SCUBE2: variants seen among roughly 807,000 people sequenced by gnomAD.
SCUBE2 encodes the protein signal peptide, CUB domain and EGF like domain containing 2.
A neutral mutation model predicts 125.9 loss-of-function variants in SCUBE2; 114 were observed. That is an observed-to-expected ratio of 0.91 (90% CI 0.78 to 1.06). The LOEUF (loss-of-function observed/expected upper bound fraction) is 1.06. Ranked by LOEUF, SCUBE2 falls within the 50% of genes least tolerant of loss-of-function variation. The pLI is 0.00. For missense variants in SCUBE2, 1,255 were observed against 1,301.8 expected (o/e 0.96, Z 0.55); for synonymous variants, 459 against 492.9 (o/e 0.93, Z 0.91).
chr11:9,091,458 G>GGCGGCAGCA lies in SCUBE2; in HGVS notation c.62_70dup (p.Leu21_Pro23dup), dbSNP rs758107958. ...GACGGCCCCCGCCAGCAGCAGCAGT[G>GGCGGCAGCA]GCGGCAGCAGCAGCAGCAGCAGCAG... On this transcript the variant is annotated inframe_insertion, in exon 1 of 23. Transcript: ENST00000649792. The surrounding 1 kb of genome is among the most constrained non-coding windows in gnomAD (Gnocchi z 8.5). The GGCGGCAGCA allele has an allele frequency of 3.3e-4, 418 of 1,284,378 alleles. 1 individual carries two copies. Among genetic ancestry groups the GGCGGCAGCA allele is most frequent in the Non-Finnish European group, 3.6e-4 (370 of 1,023,018 alleles). The allele number at this position is 1,284,378 out of a possible 1,614,324, so 79.6% of individuals were successfully genotyped here. A position where few individuals can be genotyped will look rare whatever the true frequency, so the allele number is the denominator to read the frequency against.
chr11:9,052,947 A>C lies in SCUBE2; in HGVS notation c.1448-115T>G, dbSNP rs962067703. On this transcript the variant is annotated intron_variant, in intron 12 of 22. Coordinates refer to ENST00000649792, the MANE Select transcript of SCUBE2 (RefSeq NM_001367977.2). ...ATGGGCCACTAGAAAAATGCCCAGC[A>C]TATGGGGTCTCGAAGCATGGACCTC... is the stretch of plus-strand genomic sequence containing the variant. 8 of 1,029,286 alleles carry C rather than the reference A, an allele frequency of 7.8e-6. No individual in the cohort carries two copies. In the Admixed American group the frequency reaches 1.7e-4, roughly 22 times the overall value. 63.8% of individuals were successfully genotyped at this position (1,029,286 alleles called of 1,614,324 possible). A position where few individuals can be genotyped will look rare whatever the true frequency, so the allele number is the denominator to read the frequency against.
At chr11:9,072,271 C>T (rs1372478130) in intron 4 of SCUBE2, among the ~76,000 whole-genome samples, 4 of 152,214 alleles carry the variant, frequency 2.6e-5, no homozygotes, top group East Asian at 1.9e-4. Context: ...TGCAGTGGCA[C>T]GATGTCAGCT....
chr11:9,045,635 A>T (rs1857649410), intron 16 of SCUBE2, among the ~76,000 whole-genome samples: 1 of 150,210 alleles, frequency 6.7e-6, no homozygotes, highest in Non-Finnish European at 1.5e-5. Context: ...ACACACACAC[A>T]CACACACACA....
chr11:9,047,477 CCT>C lies in SCUBE2; in HGVS notation c.1879_1880del (p.Arg627GlyfsTer16). 6.2e-7 allele frequency: 1 copy of C among 1,613,956 alleles called. No individual in the cohort carries two copies. The highest frequency in any genetic ancestry group is 8.5e-7 in the Non-Finnish European group (1 of 1,180,002). On this transcript the variant is annotated frameshift_variant, in exon 16 of 23. Transcript: ENST00000649792. LOFTEE classifies it high-confidence loss of function. ...AIRTLRKAVHREQFHLQLSGM... is the reference protein window; with the variant it reads ...AIRTLRKAVHXEQFHLQLSGM... ...CTGAGAGCTGGAGGTGAAACTGCTC[CCT>C]GTGGACGGCCTTTCTGAGCGTGCGG...
At chr11:9,074,458 C>T in intron 4 of SCUBE2, 23 bp downstream of exon 4, 1 of 1,613,490 alleles carries the variant, frequency 6.2e-7, no homozygotes, top group Non-Finnish European at 8.5e-7. Context: ...GCTCTGCCCC[C>T]ATCCACAGCT....
chr11:9,057,996 TAAC>T (rs1005168583), intron 9 of SCUBE2, among the ~76,000 whole-genome samples: 2 of 152,182 alleles, frequency 1.3e-5, no homozygotes, highest in Admixed American at 6.5e-5. Flanking sequence ...CTGCTAATAC[TAAC>T]AACAACTGCT....
rs375725432 is a variant in SCUBE2 at position 9,074,608 on chromosome 11, G to A, written c.390C>T (p.Asp130=). ...AGCCGCCATTGTTCTCCAGGCACTCGTCCACATCTGGAAGGAGAGAGGGAT... is the reference window on the plus strand; with the variant it reads ...AGCCGCCATTGTTCTCCAGGCACTCATCCACATCTGGAAGGAGAGAGGGAT... ...AHDGHNCLDV[D]ECLENNGGCQ... The change falls in exon 4 of 23, where the codon GAC becomes GAT. Residue 130 remains aspartate, a synonymous_variant. Coordinates refer to ENST00000649792, the MANE Select transcript of SCUBE2 (RefSeq NM_001367977.2). The A allele has an allele frequency of 6.3e-5, 101 of 1,614,048 alleles. No homozygotes were observed. The highest frequency in any genetic ancestry group is 6.9e-5 in the Non-Finnish European group (81 of 1,180,032).
chr11:9,068,967 T>C (rs1445073074), intron 5 of SCUBE2, among the ~76,000 whole-genome samples: 1 of 152,186 alleles, frequency 6.6e-6, no homozygotes, highest in Non-Finnish European at 1.5e-5. Flanking sequence ...CATCAAAGGA[T>C]TTGGGCTGTT....
intron 2 of SCUBE2, among the ~76,000 whole-genome samples, chr11:9,084,620 A>G (rs972252474): frequency 3.3e-5 from 5 of 152,260 alleles, no homozygotes; most frequent in Admixed American, 3.3e-4. Context: ...CAAGAATGGG[A>G]CATGTTAACA....
At chr11:9,072,195 G>C (rs1218387692) in intron 4 of SCUBE2, among the ~76,000 whole-genome samples, 2 of 150,886 alleles carry the variant, frequency 1.3e-5, no homozygotes, top group African/African-American at 4.9e-5. Flanking sequence ...GTTTTGTTTT[G>C]TTTTGGTTTG....
intron 17 of SCUBE2, chr11:9,031,337 TAA>T (rs1856285006): frequency 6.5e-6 from 1 of 154,120 alleles, no homozygotes; most frequent in African/African-American, 2.4e-5. Context: ...CCTATTGATA[TAA>T]AGAGTGATCC....
At chr11:9,089,144 G>C (rs887481586) in intron 2 of SCUBE2, among the ~76,000 whole-genome samples, 1 of 152,208 alleles carries the variant, frequency 6.6e-6, no homozygotes, top group East Asian at 1.9e-4. Flanking sequence ...AGCTCTATGG[G>C]CTAAAATGCC....
At chr11:9,060,048 G>A (rs962586805) in intron 8 of SCUBE2, among the ~76,000 whole-genome samples, 1 of 152,134 alleles carries the variant, frequency 6.6e-6, no homozygotes. Flanking sequence ...CATCTTGACT[G>A]TTATTTATAT....
intron 3 of SCUBE2, among the ~76,000 whole-genome samples, chr11:9,076,287 G>A (rs988412736): frequency 2.0e-5 from 3 of 151,962 alleles, no homozygotes; most frequent in African/African-American, 4.8e-5. Context: ...AGAGAGGTAG[G>A]GAGGGAGGAA....
rs775420427 is a variant in SCUBE2 at position 9,079,485 on chromosome 11, A to G, written c.281T>C (p.Leu94Pro). The change falls in exon 3 of 23, where the codon CTC becomes CCC. Residue 94 changes from leucine (L) to proline (P), a missense_variant. This residue lies in a region of SCUBE2 where 362 missense variants were observed against 323.0 expected (regional missense o/e 1.12). Transcript: ENST00000649792. ...ACAGTCATGGACACAGCCTCCATTG[A>G]GCTCATTTCCACATTCATCGATGTC... ...CEDIDECGNE[L>P]NGGCVHDCLN... The G allele has an allele frequency of 6.2e-7, 1 of 1,613,984 alleles. No individual in the cohort carries two copies. Among genetic ancestry groups the G allele is most frequent in the Admixed American group, 1.7e-5 (1 of 60,004 alleles).
chr11:9,050,543 G>T, intron 14 of SCUBE2, 63 bp downstream of exon 14: 3 of 1,310,408 alleles, frequency 2.3e-6, no homozygotes, highest in South Asian at 1.2e-5. Context: ...CTCCAGCTCG[G>T]CTGGCTGCAG....
intron 3 of SCUBE2, among the ~76,000 whole-genome samples, chr11:9,077,966 T>C (rs1464093047): frequency 6.6e-6 from 1 of 152,192 alleles, no homozygotes; most frequent in Non-Finnish European, 1.5e-5. Context: ...AGGAACCTTA[T>C]ACTACCCCCC....
chr11:9,064,575 A>C (rs745818010), intron 7 of SCUBE2: 3 of 152,198 alleles, frequency 2.0e-5, no homozygotes, highest in Non-Finnish European at 4.4e-5. Context: ...AGCTCGAAGA[A>C]TTGACTATTG....
At chr11:9,066,840 A>C in intron 5 of SCUBE2, 27 bp from the exon 6 acceptor site, 1 of 1,542,126 alleles carries the variant, frequency 6.5e-7, no homozygotes, top group Non-Finnish European at 9.0e-7. Flanking sequence ...TCAATACATA[A>C]AGCACTGAGA....
Sources: allele counts gnomAD v4.1 joint callset (sites outside exome capture counted in the v4.1 genomes callset), GRCh38; gene constraint gnomAD v4.1.1; regional missense constraint gnomAD v4.1.1; non-coding constraint Gnocchi (gnomAD v3.1); transcripts MANE v1.5; gene names NCBI Gene and HGNC (gene_info 2026-07-23, HGNC 2026-07-21).